GCC1: variants seen among roughly 807,000 people sequenced by gnomAD.
The protein encoded by GCC1 is GRIP and coiled-coil domain containing 1, also known as GRIP and coiled-coil domain-containing protein 1.
GCC1 carries 36 observed loss-of-function variants against 62.5 expected under a neutral mutation model. The ratio of observed to expected loss-of-function variants is 0.58; its 90% CI spans 0.44 to 0.76. The LOEUF is 0.76. Ranked by LOEUF, GCC1 falls within the 30% of genes least tolerant of loss-of-function variation. The pLI, the probability that GCC1 is intolerant of heterozygous loss-of-function variation, is 0.00. For synonymous variants in GCC1, 391 were observed against 386.8 expected (o/e 1.01, Z -0.13); for missense variants, 885 against 948.3 (o/e 0.93, Z 0.88).
At position 127,584,300 on chromosome 7, in the gene GCC1, G is replaced by C. The variant is rs756832497; in HGVS notation, c.883C>G (p.Leu295Val). The change falls in exon 1 of 2, where the codon CTG (leucine) becomes GTG (valine). Residue 295 changes from leucine (L) to valine (V), a missense_variant. By Grantham distance (32) the Leu-to-Val change is conservative. Coordinates refer to ENST00000321407, the MANE Select transcript of GCC1 (RefSeq NM_024523.6). ...TTCAGCTCCTCCACCTCACGGGTCA[G>C]CTGCTTGGTCTGCAGTTCAAATCCT... ...MEGFELQTKQ[L>V]TREVEELKSE... The C allele has an allele frequency of 1.2e-6, 2 of 1,613,652 alleles. No individual in the cohort carries two copies. Among genetic ancestry groups the C allele is most frequent in the South Asian group, 1.1e-5 (1 of 91,060 alleles).
chr7:127,584,776 GACCA>G lies in GCC1; in HGVS notation c.403_406del (p.Trp135ProfsTer26). 2 of 1,614,182 alleles carry G rather than the reference GACCA, an allele frequency of 1.2e-6. No homozygotes were observed. The highest frequency in any genetic ancestry group is 1.7e-6 in the Non-Finnish European group (2 of 1,180,030). On this transcript the variant is annotated frameshift_variant, in exon 1 of 2. Transcript: ENST00000321407. ...ACTGCTACTGCTAACGCCACTCTCG[GACCA>G]ACTGGCCTCTTCGGACTTTGGAGGT...
In GCC1 at chr7:127,585,531, C is replaced by T. The variant is rs1794193029; in HGVS notation, c.-349G>A. On this transcript the variant is annotated 5_prime_UTR_variant, in exon 1 of 2. Coordinates refer to ENST00000321407, the MANE Select transcript of GCC1 (RefSeq NM_024523.6). ...CCGGGCCGGCCCCCTCGGCCCACGTCGGCCAGAGGGTTACGCTGAGCTCGG... is the reference window on the plus strand; with the variant it reads ...CCGGGCCGGCCCCCTCGGCCCACGTTGGCCAGAGGGTTACGCTGAGCTCGG... The T allele has an allele frequency of 3.8e-6, 1 of 263,748 alleles. No individual in the cohort carries two copies. Among genetic ancestry groups the T allele is most frequent in the Middle Eastern group, 1.2e-3 (1 of 816 alleles). The allele number at this position is 263,748 out of a possible 1,614,324, so 16.3% of individuals were successfully genotyped here.
In GCC1 at chr7:127,584,988, T is replaced by G. The variant is rs745520631; in HGVS notation, c.195A>C (p.Ala65=). Residue 65 remains alanine, a synonymous_variant, in exon 1 of 2, where the codon GCA becomes GCC. Transcript: ENST00000321407. ...GCTGGACACCTGCGAGGCCCACATC[T>G]GCCTCGTGGGATACCGACAGCACCT... ...SIKVLSVSHE[A]DVGLAGVQLP... 1 of 1,614,188 alleles carries G rather than the reference T, an allele frequency of 6.2e-7. No homozygotes were observed. The highest frequency in any genetic ancestry group is 8.5e-7 in the Non-Finnish European group (1 of 1,180,018).
In GCC1 at chr7:127,584,871, C is replaced by A. The variant is rs750497246; in HGVS notation, c.312G>T (p.Ala104=). The A allele has an allele frequency of 1.2e-6, 2 of 1,614,120 alleles. No homozygotes were observed. Among genetic ancestry groups the A allele is most frequent in the Non-Finnish European group, 1.7e-6 (2 of 1,180,034 alleles). ...CACCCTTGGTGCTGGTGAGACTGGC[C>A]GCAGTATCCAAGCTAGTGGCGGTCC... ...STGTATSLDT[A]ASLTSTKGEF... is the part of the protein sequence containing the mutation. The change falls in exon 1 of 2, where the codon GCG becomes GCT. Residue 104 remains alanine, a synonymous_variant. Transcript: ENST00000321407.
chr7:127,582,005 A>G lies in GCC1; in HGVS notation c.*9T>C. ...GGCACAGAAATTCCAGGAATTCATG[A>G]AAATGGCATCATCTCTTGCCAGAAG... On this transcript the variant is annotated 3_prime_UTR_variant, in exon 2 of 2. Transcript: ENST00000321407. The surrounding 1 kb of genome is among the most constrained non-coding windows in gnomAD (Gnocchi z 4.8). The G allele has an allele frequency of 6.3e-7, 1 of 1,596,200 alleles. No individual in the cohort carries two copies. The highest frequency in any genetic ancestry group is 2.2e-5 in the East Asian group (1 of 44,588).
rs372115883 is a variant in GCC1, at chr7:127,584,490, C to A, written c.693G>T (p.Thr231=). Residue 231 remains threonine, a synonymous_variant, in exon 1 of 2, where the codon ACG becomes ACT. Transcript: ENST00000321407. ...GCTCTTGGGCCCGATCATGCTGCTG[C>A]GTGATAAGCCGGGCTTTGGTTTCTG... ...QIAETKARLI[T]QQHDRAQEQS... 12 of 1,613,956 alleles carry A rather than the reference C, an allele frequency of 7.4e-6. No homozygotes were observed. The African/African-American group carries it at 8.0e-5, about 11-fold the overall frequency.
Position 127,582,184 on chromosome 7 carries a change from G to C in GCC1, c.2158C>G (p.Leu720Val), listed in dbSNP as rs1794142508. The change falls in exon 2 of 2, where the codon CTG (leucine) becomes GTG (valine). Residue 720 changes from leucine (L) to valine (V), a missense_variant. By Grantham distance (32) the Leu-to-Val change is conservative. Transcript: ENST00000321407. This position sits in a 1 kb window ranked among gnomAD's most constrained non-coding sequence, Gnocchi z 4.8. Reference sequence around the variant, plus strand: ...TAGATGATGTTTTTGAGGTACTCCAGATTGGCTCCCTCCCTGCTCTGGTCC... The same window carrying C: ...TAGATGATGTTTTTGAGGTACTCCACATTGGCTCCCTCCCTGCTCTGGTCC... ...IRDQSREGANLEYLKNIIYRF... is the reference protein window; with the variant it reads ...IRDQSREGANVEYLKNIIYRF... 2.5e-6 allele frequency: 4 copies of C among 1,614,092 alleles called. No homozygotes were observed. Among genetic ancestry groups the C allele is most frequent in the South Asian group, 2.2e-5 (2 of 91,088 alleles).
Position 127,583,201 on chromosome 7 carries a change from C to G in GCC1, c.1141G>C (p.Glu381Gln), listed in dbSNP as rs200076690. ...AGCTGGTCCTTCTGCTTGGCTTTCT[C>G]GTAGGTGCCTAGCAGCTCAGACACC... ...SEVSELLGTY[E>Q]KAKQKDQLAI... is the part of the protein sequence containing the mutation. The change falls in exon 2 of 2, where the codon GAG (glutamate) becomes CAG (glutamine). Residue 381 changes from glutamate (E) to glutamine (Q), a missense_variant. Transcript: ENST00000321407. The G allele has an allele frequency of 8.0e-5, 129 of 1,613,828 alleles. No individual in the cohort carries two copies. The highest frequency in any genetic ancestry group is 4.7e-5 in the Non-Finnish European group (55 of 1,180,032).
Position 127,582,551 on chromosome 7 carries a change from G to A in GCC1, c.1791C>T (p.Thr597=), listed in dbSNP as rs774860737. The A allele has an allele frequency of 3.7e-5, 59 of 1,611,156 alleles. No individual in the cohort carries two copies. In the East Asian group the frequency reaches 4.9e-4, roughly 13 times the overall value. The change falls in exon 2 of 2, where the codon ACC becomes ACT. Residue 597 remains threonine (T), a synonymous_variant. Coordinates refer to ENST00000321407, the MANE Select transcript of GCC1 (RefSeq NM_024523.6). This position sits in a 1 kb window ranked among gnomAD's most constrained non-coding sequence, Gnocchi z 4.8. Reference sequence around the variant, plus strand: ...GTTGCTCCAGTTCCAAGTCCTTCTCGGTGAGCACAGCTAGGGCACGATCCC... The same window carrying A: ...GTTGCTCCAGTTCCAAGTCCTTCTCAGTGAGCACAGCTAGGGCACGATCCC... ...KQRDRALAVL[T]EKDLELEQLR...
In GCC1 at chr7:127,582,218, CTTT is replaced by C; in HGVS notation, c.2121_2123del (p.Lys708del). 6.2e-7 allele frequency: 1 copy of C among 1,614,176 alleles called. No individual in the cohort carries two copies. ...CCTCCCTGCTCTGGTCCCTGATGTT[CTTT>C]TCGATGTGGCTCTGCAGGGCTGCAA... On this transcript the variant is annotated inframe_deletion, in exon 2 of 2. Coordinates refer to ENST00000321407, the MANE Select transcript of GCC1 (RefSeq NM_024523.6). This position sits in a 1 kb window ranked among gnomAD's most constrained non-coding sequence, Gnocchi z 4.8.
In GCC1 at chr7:127,582,151, G is replaced by A; in HGVS notation, c.2191C>T (p.Leu731=). Residue 731 remains leucine, a synonymous_variant, in exon 2 of 2, where the codon CTG becomes TTG. Transcript: ENST00000321407. The surrounding 1 kb of genome is among the most constrained non-coding windows in gnomAD (Gnocchi z 4.8). ...EYLKNIIYRF[L]TLPDSLGRQQ... is the part of the protein sequence containing the mutation. ...CGGCCCAGGGAGTCAGGTAAGGTCA[G>A]GAAGCGGTAGATGATGTTTTTGAGG... The A allele has an allele frequency of 6.2e-7, 1 of 1,614,186 alleles. No individual in the cohort carries two copies. Among genetic ancestry groups the A allele is most frequent in the Non-Finnish European group, 8.5e-7 (1 of 1,180,032 alleles).
At position 127,584,397 on chromosome 7, in the gene GCC1, C is replaced by T. The variant is rs186329622; in HGVS notation, c.786G>A (p.Gln262=). 1 of 1,614,080 alleles carries T rather than the reference C, an allele frequency of 6.2e-7. No individual in the cohort carries two copies. The highest frequency in any genetic ancestry group is 8.5e-7 in the Non-Finnish European group (1 of 1,180,024). The change falls in exon 1 of 2, where the codon CAG becomes CAA. Residue 262 remains glutamine, a synonymous_variant. Transcript: ENST00000321407. The stretch of plus-strand genomic sequence containing the variant: ...TCTCTTCTAACCTAAGCTCCAAGTC[C>T]TGGCGCTGGGTCCTCTCCTCCTGCA... ...KLLQEERTQR[Q]DLELRLEETR...
chr7:127,581,766 C>G lies in GCC1; in HGVS notation c.*248G>C. The G allele has an allele frequency of 1.9e-6, 1 of 528,064 alleles. No individual in the cohort carries two copies. The highest frequency in any genetic ancestry group is 3.4e-6 in the Non-Finnish European group (1 of 296,828). The allele number at this position is 528,064 out of a possible 1,614,324, so 32.7% of individuals were successfully genotyped here. Reference sequence around the variant, plus strand: ...CAACTTCTGCACTTCTCAGTCCTAACCTCATCTTCTCCTCACATGCACACC... The same window carrying G: ...CAACTTCTGCACTTCTCAGTCCTAAGCTCATCTTCTCCTCACATGCACACC... On this transcript the variant is annotated 3_prime_UTR_variant, in exon 2 of 2. Coordinates refer to ENST00000321407, the MANE Select transcript of GCC1 (RefSeq NM_024523.6).
Position 127,581,957 on chromosome 7 carries a change from C to T in GCC1, c.*57G>A. 7.6e-7 allele frequency: 1 copy of T among 1,324,316 alleles called. No individual in the cohort carries two copies. The highest frequency in any genetic ancestry group is 1.1e-6 in the Non-Finnish European group (1 of 936,276). The allele number at this position is 1,324,316 out of a possible 1,614,324, so 82.0% of individuals were successfully genotyped here. A position where few individuals can be genotyped will look rare whatever the true frequency, so the allele number is the denominator to read the frequency against. On this transcript the variant is annotated 3_prime_UTR_variant, in exon 2 of 2. Coordinates refer to ENST00000321407, the MANE Select transcript of GCC1 (RefSeq NM_024523.6). ...AGAGAAGAGGCAGCAGAAACCAGAGCCTGCCCTTTCCCACATAAAAGAGGC... is the reference window on the plus strand; with the variant it reads ...AGAGAAGAGGCAGCAGAAACCAGAGTCTGCCCTTTCCCACATAAAAGAGGC...
chr7:127,585,345 G>T lies in GCC1; in HGVS notation c.-163C>A. The T allele has an allele frequency of 1.4e-6, 1 of 716,956 alleles. No homozygotes were observed. Among genetic ancestry groups the T allele is most frequent in the Non-Finnish European group, 2.2e-6 (1 of 450,426 alleles). The allele number at this position is 716,956 out of a possible 1,614,324, so 44.4% of individuals were successfully genotyped here. ...CGGACCTAATGCGGAACGGCCGGAC[G>T]GACTGGCGAAAGCGGCCGCCCGGTC... is the stretch of plus-strand genomic sequence containing the variant. On this transcript the variant is annotated 5_prime_UTR_variant, in exon 1 of 2. Transcript: ENST00000321407.
At position 127,584,429 on chromosome 7, in the gene GCC1, T is replaced by A. The variant is rs779949532; in HGVS notation, c.754A>T (p.Lys252Ter). 8.7e-6 allele frequency: 14 copies of A among 1,613,914 alleles called. No individual in the cohort carries two copies. Among genetic ancestry groups the A allele is most frequent in the Non-Finnish European group, 1.2e-5 (14 of 1,180,004 alleles). The stretch of plus-strand genomic sequence containing the variant: ...TGGGTCCTCTCCTCCTGCAGCAGCT[T>A]CTGGAGCTCACGCAGCATCAAGGCA... ...DHALMLRELQ[K>*]LLQEERTQRQ... Residue 252 changes from lysine to a stop codon, truncating the protein, a stop_gained, in exon 1 of 2, where the codon AAG (lysine) becomes TAG (stop). Coordinates refer to ENST00000321407, the MANE Select transcript of GCC1 (RefSeq NM_024523.6). LOFTEE classifies it high-confidence loss of function.
In GCC1 at chr7:127,582,971, C is replaced by T. The variant is rs1194784779; in HGVS notation, c.1371G>A (p.Glu457=). The T allele has an allele frequency of 1.2e-6, 2 of 1,614,202 alleles. No homozygotes were observed. The highest frequency in any genetic ancestry group is 1.1e-5 in the South Asian group (1 of 91,090). ...GCATTATCTCCAGGTCACAGAGCTT[C>T]TCCACATCCAGGGTCACCTGGCTTT... The part of the protein sequence containing the change: ...ARKSQVTLDV[E]KLCDLEIMPS... The change falls in exon 2 of 2, where the codon GAG becomes GAA. Residue 457 remains glutamate (E), a synonymous_variant. Transcript: ENST00000321407. The surrounding 1 kb of genome is among the most constrained non-coding windows in gnomAD (Gnocchi z 4.8).
At position 127,582,388 on chromosome 7, in the gene GCC1, T is replaced by C; in HGVS notation, c.1954A>G (p.Thr652Ala). The C allele has an allele frequency of 6.2e-7, 1 of 1,614,212 alleles. No individual in the cohort carries two copies. The highest frequency in any genetic ancestry group is 8.5e-7 in the Non-Finnish European group (1 of 1,180,020). The change falls in exon 2 of 2, where the codon ACT becomes GCT. Residue 652 changes from threonine to alanine, a missense_variant. Thr to Ala is a moderately conservative substitution (Grantham distance 58). Coordinates refer to ENST00000321407, the MANE Select transcript of GCC1 (RefSeq NM_024523.6). The surrounding 1 kb of genome is among the most constrained non-coding windows in gnomAD (Gnocchi z 4.8). ...ALQLAAANEP[T>A]FFLYAEQLAR... The stretch of plus-strand genomic sequence containing the variant: ...AGTTGCTCAGCGTACAGAAAGAAAG[T>C]GGGCTCATTGGCCGCTGCAAGTTGT...
rs141040379 is a variant in GCC1, at chr7:127,582,749, A to G, written c.1593T>C (p.Tyr531=). The change falls in exon 2 of 2, where the codon TAT becomes TAC. Residue 531 remains tyrosine (Y), a synonymous_variant. Transcript: ENST00000321407. The surrounding 1 kb of genome is among the most constrained non-coding windows in gnomAD (Gnocchi z 4.8). ...CCTCGCAGGAGAGCCGCAGGGAAAT[A>G]TACTTCTCCTTCAGCTCTGCAAGCT... is the stretch of plus-strand genomic sequence containing the variant. ...QEQLAELKEK[Y]ISLRLSCEEL... The G allele has an allele frequency of 1.1e-5, 18 of 1,614,012 alleles. No individual in the cohort carries two copies. Among genetic ancestry groups the G allele is most frequent in the Non-Finnish European group, 1.5e-5 (18 of 1,180,012 alleles).
Sources: allele counts gnomAD v4.1 joint callset, GRCh38; gene constraint gnomAD v4.1.1; non-coding constraint Gnocchi (gnomAD v3.1); transcripts MANE v1.5; gene names NCBI Gene and HGNC (gene_info 2026-07-23, HGNC 2026-07-21).